The following PCDHA3 variants were observed in gnomAD, a reference collection of about 807,000 sequenced individuals.
The protein encoded by PCDHA3 is protocadherin alpha-3.
A neutral mutation model predicts 62.2 loss-of-function variants in PCDHA3; 41 were observed. The observed-to-expected ratio is 0.66, with a 90% CI of 0.51 to 0.86. PCDHA3 has a LOEUF of 0.86. Among genes scored for constraint, PCDHA3 ranks in the 40% least tolerant of loss-of-function variants. PCDHA3 has a pLI of 0.00. For missense variants in PCDHA3, 1,304 were observed against 1,241.2 expected (o/e 1.05, Z -0.76); for synonymous variants, 640 against 555.4 (o/e 1.15, Z -2.14).
chr5:140,904,287 G>A (rs2071024041), intron 1 of PCDHA3, among the ~76,000 whole-genome samples: 1 of 151,908 alleles, frequency 6.6e-6, no homozygotes, highest in Non-Finnish European at 1.5e-5. Context: ...TGTGGTGTTT[G>A]GTTTTCCATT....
intron 1 of PCDHA3, among the ~76,000 whole-genome samples, chr5:140,885,790 G>T (rs141648269): frequency 0.012 from 1,822 of 152,058 alleles, 11 homozygotes; most frequent in Non-Finnish European, 0.018. Context: ...TGAGCATATT[G>T]TCATATGTAT....
chr5:140,854,300 G>A lies in PCDHA3; in HGVS notation c.2394+50709G>A, dbSNP rs193127815. The A allele has an allele frequency of 1.0e-3, 435 of 414,882 alleles. 8 individuals are homozygous for A. Among genetic ancestry groups the A allele is most frequent in the African/African-American group, 1.4e-3 (63 of 46,296 alleles). The allele number at this position is 414,882 out of a possible 1,614,324, so 25.7% of individuals were successfully genotyped here. The stretch of plus-strand genomic sequence containing the variant: ...GAGTTTAGTTTTTATTATTTTGTGC[G>A]TGGAGATGATTGATCAATGGCAAAC... On this transcript the variant is annotated intron_variant, in intron 1 of 3. Coordinates refer to ENST00000522353, the MANE Select transcript of PCDHA3 (RefSeq NM_018906.3).
At chr5:140,809,397 C>T in intron 1 of PCDHA3, 8 of 1,614,128 alleles carry the variant, frequency 5.0e-6, no homozygotes, top group South Asian at 1.1e-5. Flanking sequence ...CCGGGCAAGC[C>T]CACGCTGGTG....
chr5:140,828,250 G>C, intron 1 of PCDHA3: 2 of 1,613,982 alleles, frequency 1.2e-6, no homozygotes, highest in Non-Finnish European at 1.7e-6. Context: ...AGGACCTGGG[G>C]CTGGAGCTGG....
chr5:140,801,501 T>C lies in PCDHA3; in HGVS notation c.304T>C (p.Cys102Arg), dbSNP rs1554121521. ...REELCGRSAE[C>R]SIHLEVIVDR... is the part of the protein sequence containing the mutation. ...GGAACTGTGCGGGCGGAGCGCGGAG[T>C]GCAGCATCCACCTGGAGGTGATCGT... The change falls in exon 1 of 4, where the codon TGC (cysteine) becomes CGC (arginine). Residue 102 changes from cysteine (C) to arginine (R), a missense_variant. Coordinates refer to ENST00000522353, the MANE Select transcript of PCDHA3 (RefSeq NM_018906.3). 3 of 1,614,072 alleles carry C rather than the reference T, an allele frequency of 1.9e-6. No homozygotes were observed. Among genetic ancestry groups the C allele is most frequent in the Admixed American group, 3.3e-5 (2 of 60,024 alleles).
intron 1 of PCDHA3, chr5:140,843,225 G>T: frequency 6.3e-7 from 1 of 1,596,120 alleles, no homozygotes; most frequent in East Asian, 2.2e-5. Flanking sequence ...AGCACCACTC[G>T]TGTCCTGGAC....
At chr5:140,917,324 C>CGGGGGGGGG (rs1299895515) in intron 1 of PCDHA3, among the ~76,000 whole-genome samples, 1 of 76,048 alleles carries the variant, frequency 1.3e-5, no homozygotes, top group Non-Finnish European at 2.9e-5. Context: ...GTTCATGTGG[C>CGGGGGGGGG]GGGGGAGGGG....
At chr5:140,826,116 C>T (rs1316414484) in intron 1 of PCDHA3, among the ~76,000 whole-genome samples, 2 of 152,140 alleles carry the variant, frequency 1.3e-5, no homozygotes, top group Non-Finnish European at 2.9e-5. Flanking sequence ...TTATATATTC[C>T]TAATATCCTG....
chr5:140,917,328 GGA>G lies in PCDHA3; in HGVS notation c.2395-61619_2395-61618del, dbSNP rs371938358. On this transcript the variant is annotated intron_variant, in intron 1 of 3. Transcript: ENST00000522353. ...TACAATTTGGTGTTCATGTGGCGGGGGAGGGGGGGGATGGTGTAGGCTTCTGT... is the reference window on the plus strand; with the variant it reads ...TACAATTTGGTGTTCATGTGGCGGGGGGGGGGGGATGGTGTAGGCTTCTGT... 4.7e-4 allele frequency among the ~76,000 whole-genome samples: 70 copies of G among 148,990 alleles called. 3 individuals are homozygous for G. Among genetic ancestry groups the G allele is most frequent in the African/African-American group, 1.3e-3 (53 of 40,184 alleles).
chr5:140,825,311 T>G (rs1360273212), intron 1 of PCDHA3: 2 of 149,360 alleles, frequency 1.3e-5, no homozygotes, highest in Non-Finnish European at 3.0e-5. Flanking sequence ...AACAATGATT[T>G]AATTTTCTGG....
chr5:140,858,776 C>T, intron 1 of PCDHA3: 1 of 420,692 alleles, frequency 2.4e-6, no homozygotes, highest in Non-Finnish European at 4.3e-6. Flanking sequence ...GAGATTAGTA[C>T]TTCATGTTAT....
chr5:140,835,420 A>G (rs2150235357), intron 1 of PCDHA3: 60 of 1,613,840 alleles, frequency 3.7e-5, no homozygotes, highest in Non-Finnish European at 4.5e-5. Context: ...GTAAATGACA[A>G]TGCTCCACAG....
chr5:140,941,202 C>CCTTCCTTT (rs1554213920), intron 1 of PCDHA3, among the ~76,000 whole-genome samples: 107 of 122,824 alleles, frequency 8.7e-4, no homozygotes, highest in Admixed American at 4.2e-3. Flanking sequence ...TTTCTTTCTT[C>CCTTCCTTT]CTTTCTTTCT....
chr5:140,982,649 G>T, intron 3 of PCDHA3, 86 bp downstream of exon 3: 2 of 1,504,320 alleles, frequency 1.3e-6, no homozygotes, highest in South Asian at 1.3e-5. Context: ...AATGTTGATG[G>T]CTCTTTTTCT....
At chr5:140,960,068 T>C (rs144291604) in intron 1 of PCDHA3, among the ~76,000 whole-genome samples, 1 of 152,358 alleles carries the variant, frequency 6.6e-6, no homozygotes, top group African/African-American at 2.4e-5. Flanking sequence ...GAAGATTCAA[T>C]TGAAGTTTCT....
chr5:140,846,849 G>T (rs1318319896), intron 1 of PCDHA3, among the ~76,000 whole-genome samples: 1 of 149,562 alleles, frequency 6.7e-6, no homozygotes, highest in Non-Finnish European at 1.5e-5. Flanking sequence ...ACAATGCAAG[G>T]CAAGATAATG....
intron 1 of PCDHA3, chr5:140,830,909 C>T (rs1213244492): frequency 6.6e-6 from 1 of 152,304 alleles, no homozygotes; most frequent in African/African-American, 2.4e-5. Flanking sequence ...TTTACACTTT[C>T]CATTTCAATG....
chr5:140,984,140 A>G (rs2097088641), intron 3 of PCDHA3, among the ~76,000 whole-genome samples: 1 of 152,240 alleles, frequency 6.6e-6, no homozygotes, highest in Non-Finnish European at 1.5e-5. Context: ...ATGTGGAGGC[A>G]TCTGGGAAGG....
intron 1 of PCDHA3, chr5:140,862,483 G>A (rs1433222220): frequency 1.6e-5 from 6 of 382,112 alleles, no homozygotes; most frequent in Non-Finnish European, 2.6e-5. Context: ...ATCCATTGTT[G>A]GTAATCGCTC....
Sources: gnomAD v4.1 joint callset for allele counts (sites outside exome capture counted in the v4.1 genomes callset) on GRCh38, gnomAD v4.1.1 for gene constraint, MANE v1.5 for transcripts, NCBI Gene and HGNC (gene_info 2026-07-23, HGNC 2026-07-21) for gene names.